The following CPE variants were observed in gnomAD, a reference collection of about 807,000 sequenced individuals.
CPE encodes the protein carbocypeptidase E.
In CPE, 17 loss-of-function variants were observed where a neutral mutation model predicts 53.5. The observed-to-expected ratio is 0.32, with a 90% CI of 0.22 to 0.48. The LOEUF is 0.48. Among genes scored for constraint, CPE ranks in the 20% least tolerant of loss-of-function variants. CPE has a pLI of 0.99. For synonymous variants in CPE, 226 were observed against 228.8 expected, an observed-to-expected ratio of 0.99 and a Z score of 0.11; for missense variants, 524 against 614.7, an observed-to-expected ratio of 0.85 and a Z score of 1.56.
chr4:165,491,778 A>C (rs1732610611), intron 6 of CPE, among the ~76,000 whole-genome samples: 1 of 152,198 alleles, frequency 6.6e-6, no homozygotes, highest in Non-Finnish European at 1.5e-5. Flanking sequence ...GCTGGTAACA[A>C]GGCACATCTT....
intron 1 of CPE, among the ~76,000 whole-genome samples, chr4:165,446,832 C>T (rs1731725522): frequency 1.3e-5 from 2 of 152,078 alleles, no homozygotes; most frequent in Non-Finnish European, 2.9e-5. Flanking sequence ...AGAAATCTTA[C>T]CTACTGAAAT....
intron 1 of CPE, among the ~76,000 whole-genome samples, chr4:165,413,924 T>C (rs1579250440): frequency 6.6e-6 from 1 of 152,260 alleles, no homozygotes; most frequent in East Asian, 1.9e-4. Flanking sequence ...ATATTTATGA[T>C]TCTATTCTAA....
At chr4:165,440,370 G>A (rs1731586631) in intron 1 of CPE, among the ~76,000 whole-genome samples, 1 of 151,716 alleles carries the variant, frequency 6.6e-6, no homozygotes, top group Non-Finnish European at 1.5e-5. Context: ...ATATGGAAGT[G>A]TACCAAAGTA....
chr4:165,388,024 T>C (rs1202783777), intron 1 of CPE, among the ~76,000 whole-genome samples: 2 of 152,206 alleles, frequency 1.3e-5, no homozygotes, highest in African/African-American at 4.8e-5. Context: ...TATGTTCAGA[T>C]CCCAAAGTGA....
chr4:165,493,284 A>G lies in CPE; in HGVS notation c.1213+14A>G, dbSNP rs1343964630. 2 of 1,559,048 alleles carry G rather than the reference A, an allele frequency of 1.3e-6. No homozygotes were observed. The highest frequency in any genetic ancestry group is 8.8e-7 in the Non-Finnish European group (1 of 1,130,218). Reference sequence around the variant, plus strand: ...ATGTTACATCCGGTGGGTCTTTGCCACAATTGGAGGCTCTACGTTATGTAC... The same window carrying G: ...ATGTTACATCCGGTGGGTCTTTGCCGCAATTGGAGGCTCTACGTTATGTAC... On this transcript the variant is annotated intron_variant, in intron 7 of 8. Coordinates refer to ENST00000402744, the MANE Select transcript of CPE (RefSeq NM_001873.4).
At chr4:165,406,604 T>G (rs1367998160) in intron 1 of CPE, among the ~76,000 whole-genome samples, 1 of 152,190 alleles carries the variant, frequency 6.6e-6, no homozygotes. Context: ...TGAGATAGAA[T>G]TCACATACCA....
At chr4:165,481,857 A>G (rs1443881117) in intron 3 of CPE, among the ~76,000 whole-genome samples, 1 of 152,140 alleles carries the variant, frequency 6.6e-6, no homozygotes, top group Non-Finnish European at 1.5e-5. Context: ...CAGTTCAATT[A>G]TTTTCTTTTC....
intron 1 of CPE, among the ~76,000 whole-genome samples, chr4:165,421,121 A>G (rs1342846184): frequency 6.6e-6 from 1 of 152,226 alleles, no homozygotes; most frequent in African/African-American, 2.4e-5. Flanking sequence ...TACTTCTTAA[A>G]GCTCTGCCTG....
chr4:165,401,417 T>C (rs1178951024), intron 1 of CPE, among the ~76,000 whole-genome samples: 2 of 152,222 alleles, frequency 1.3e-5, no homozygotes, highest in Admixed American at 6.5e-5. Flanking sequence ...ACTTGAGCAT[T>C]GGAGTGAGAC....
chr4:165,410,624 G>C (rs1421688691), intron 1 of CPE, among the ~76,000 whole-genome samples: 2 of 152,182 alleles, frequency 1.3e-5, no homozygotes, highest in Non-Finnish European at 2.9e-5. Context: ...GGTTACAAAG[G>C]GGAGGGGACC....
At chr4:165,497,443 A>C (rs1732720903) in intron 8 of CPE, 69 bp from the exon 9 acceptor site, 1 of 882,978 alleles carries the variant, frequency 1.1e-6, no homozygotes, top group Non-Finnish European at 1.6e-6. Context: ...AACTGCTCTT[A>C]TTTTTTTATT....
At position 165,426,286 on chromosome 4, in the gene CPE, T is replaced by C. The variant is rs567062697; in HGVS notation, c.308-38104T>C. Among the ~76,000 whole-genome samples, 10 of 152,360 alleles carry C rather than the reference T, an allele frequency of 6.6e-5. No homozygotes were observed. In the East Asian group the frequency reaches 1.5e-3, roughly 24 times the overall value. On this transcript the variant is annotated intron_variant, in intron 1 of 8. Coordinates refer to ENST00000402744, the MANE Select transcript of CPE (RefSeq NM_001873.4). ...TGGAACAATTATTTTTACTGAATTATAGTTTAAGGTTAGCCTTTGTTATAT... is the reference window on the plus strand; with the variant it reads ...TGGAACAATTATTTTTACTGAATTACAGTTTAAGGTTAGCCTTTGTTATAT...
rs1354961591 is a variant in CPE, at chr4:165,498,386, A to G, written c.*776A>G. On this transcript the variant is annotated 3_prime_UTR_variant, in exon 9 of 9. Transcript: ENST00000402744. ...TTGTGGTCTTATGATGAAAACATGT[A>G]TCCTCTTAATGGCGGCTTCTCATAT... is the stretch of plus-strand genomic sequence containing the variant. 1.3e-5 allele frequency: 2 copies of G among 152,162 alleles called. No individual in the cohort carries two copies. Among genetic ancestry groups the G allele is most frequent in the African/African-American group, 2.4e-5 (1 of 41,442 alleles). 9.4% of individuals were successfully genotyped at this position (152,162 alleles called of 1,614,324 possible). A position where few individuals can be genotyped will look rare whatever the true frequency, so the allele number is the denominator to read the frequency against.
intron 1 of CPE, chr4:165,405,223 G>A (rs1347860229): frequency 2.0e-5 from 16 of 804,030 alleles, no homozygotes; most frequent in Admixed American, 5.1e-5. Context: ...CCTTATCCAC[G>A]GAGACTTGGG....
At chr4:165,447,552 C>T (rs748049935) in intron 1 of CPE, among the ~76,000 whole-genome samples, 39 of 148,112 alleles carry the variant, frequency 2.6e-4, no homozygotes, top group Non-Finnish European at 5.2e-4. Context: ...GCCTGGGCGA[C>T]AGAGGGAGAC....
At chr4:165,453,308 T>TTTCC (rs796485164) in intron 1 of CPE, among the ~76,000 whole-genome samples, 2,258 of 151,556 alleles carry the variant, frequency 0.015, 64 homozygotes, top group African/African-American at 0.048. Flanking sequence ...TTTCTTTCTT[T>TTTCC]TTCCTTCCTT....
intron 1 of CPE, among the ~76,000 whole-genome samples, chr4:165,388,093 C>A (rs1415210849): frequency 6.6e-6 from 1 of 152,194 alleles, no homozygotes; most frequent in Non-Finnish European, 1.5e-5. Flanking sequence ...TATTTAAAAT[C>A]ATAAAATCTT....
chr4:165,475,434 T>C (rs1732279972), intron 3 of CPE, among the ~76,000 whole-genome samples: 1 of 152,184 alleles, frequency 6.6e-6, no homozygotes, highest in Admixed American at 6.5e-5. Flanking sequence ...AGGGGATATT[T>C]GCAAGGGAGC....
intron 1 of CPE, among the ~76,000 whole-genome samples, chr4:165,442,023 G>GTTTTTT (rs11415472): frequency 2.0e-4 from 21 of 107,438 alleles, no homozygotes; most frequent in East Asian, 1.2e-3. Context: ...CGGTGAGTTT[G>GTTTTTT]TTTTTTTTTT....
Sources: gnomAD v4.1 joint callset for allele counts (sites outside exome capture counted in the v4.1 genomes callset) on GRCh38, gnomAD v4.1.1 for gene constraint, MANE v1.5 for transcripts, NCBI Gene and HGNC (gene_info 2026-07-23, HGNC 2026-07-21) for gene names.